Variants in TMEM68 observed in about 807,000 individuals in gnomAD.
TMEM68 encodes the protein transmembrane protein 68.
TMEM68 carries 25 observed loss-of-function variants against 36.9 expected under a neutral mutation model. That is an observed-to-expected ratio of 0.68 (90% confidence interval 0.49 to 0.95). The LOEUF (loss-of-function observed/expected upper bound fraction) is 0.95. TMEM68 is among the 40% of genes least tolerant of loss of function. TMEM68 has a pLI of 0.00. For synonymous variants in TMEM68, 131 were observed against 124.4 expected (o/e 1.05, Z -0.35); for missense variants, 333 against 392.0 (o/e 0.85, Z 1.27).
chr8:55,751,840 G>A (rs28610182), intron 4 of TMEM68, among the ~76,000 whole-genome samples: 24,478 of 152,122 alleles, frequency 0.16, 2,394 homozygotes, highest in East Asian at 0.3. Context: ...TCCCATACTG[G>A]AACTTCTGAG....
chr8:55,757,243 G>A (rs1392127468), intron 3 of TMEM68, among the ~76,000 whole-genome samples: 2 of 152,084 alleles, frequency 1.3e-5, no homozygotes, highest in East Asian at 1.9e-4. Flanking sequence ...GCAACCAGGC[G>A]AACTGAACTT....
chr8:55,766,922 T>C (rs769461498), intron 1 of TMEM68, among the ~76,000 whole-genome samples: 17 of 152,198 alleles, frequency 1.1e-4, no homozygotes, highest in African/African-American at 3.6e-4. Flanking sequence ...TGCTAATAAA[T>C]TGACGTAGAA....
intron 7 of TMEM68, among the ~76,000 whole-genome samples, chr8:55,743,022 G>A (rs573760503): frequency 4.9e-4 from 75 of 152,022 alleles, no homozygotes; most frequent in Middle Eastern, 3.4e-3. Context: ...GCACTTCTTC[G>A]TTGGCCTTCT....
intron 1 of TMEM68, among the ~76,000 whole-genome samples, chr8:55,764,749 T>C (rs1268762081): frequency 1.3e-5 from 2 of 152,132 alleles, no homozygotes; most frequent in Non-Finnish European, 2.9e-5. Flanking sequence ...GGGCTTTATT[T>C]ACATCATCAT....
At chr8:55,766,373 C>CTTTTTT (rs768070569) in intron 1 of TMEM68, among the ~76,000 whole-genome samples, 6 of 113,062 alleles carry the variant, frequency 5.3e-5, no homozygotes, top group Non-Finnish European at 9.1e-5. Flanking sequence ...TCTATGCACG[C>CTTTTTT]TTTTTTTTTT....
chr8:55,755,160 T>C (rs1810564443), intron 4 of TMEM68, among the ~76,000 whole-genome samples: 1 of 151,370 alleles, frequency 6.6e-6, no homozygotes, highest in Non-Finnish European at 1.5e-5. Context: ...ATAAATAATG[T>C]AGTACTCAAT....
intron 6 of TMEM68, among the ~76,000 whole-genome samples, chr8:55,744,387 G>C (rs1409668711): frequency 5.8e-5 from 2 of 34,422 alleles, no homozygotes; most frequent in Non-Finnish European, 1.2e-4. Flanking sequence ...CTCACTGCAA[G>C]CTCCTCCTCC....
chr8:55,758,433 A>G (rs57790025), intron 3 of TMEM68, among the ~76,000 whole-genome samples: 9,507 of 151,564 alleles, frequency 0.063, 355 homozygotes, highest in African/African-American at 0.1. Context: ...AAATAGCAAG[A>G]AAAAAACCCA....
At position 55,739,618 on chromosome 8, in the gene TMEM68, TATC is replaced by T. The variant is rs1810036306; in HGVS notation, c.*511_*513del. 1.3e-5 allele frequency: 2 copies of T among 152,768 alleles called. No homozygotes were observed. Among genetic ancestry groups the T allele is most frequent in the Admixed American group, 6.5e-5 (1 of 15,296 alleles). 9.5% of individuals were successfully genotyped at this position (152,768 alleles called of 1,614,324 possible). A position where few individuals can be genotyped will look rare whatever the true frequency, so the allele number is the denominator to read the frequency against. The stretch of plus-strand genomic sequence containing the variant: ...ACAGTAAATATAAATAACAAAATAA[TATC>T]ATTCATCATACGATCATGTTTTTAA... On this transcript the variant is annotated 3_prime_UTR_variant, in exon 8 of 8. Transcript: ENST00000434581.
In TMEM68 at chr8:55,756,273, A is replaced by C. The variant is rs1281878201; in HGVS notation, c.464T>G (p.Val155Gly). 6.2e-7 allele frequency: 1 copy of C among 1,603,278 alleles called. No homozygotes were observed. Among genetic ancestry groups the C allele is most frequent in the Non-Finnish European group, 8.5e-7 (1 of 1,177,474 alleles). ...AATTTTAAAGACAAAGTGATCAGCT[A>C]CTACTCGGCAAGTTCTGCCTTTGTG... Reference protein sequence around the residue: ...FIHKGRTCRVVADHFVFKIPG... With the variant: ...FIHKGRTCRVGADHFVFKIPG... Residue 155 changes from valine to glycine, a missense_variant, in exon 4 of 8, where the codon GTA (valine) becomes GGA (glycine). Coordinates refer to ENST00000434581, the MANE Select transcript of TMEM68 (RefSeq NM_001286657.2).
Position 55,739,800 on chromosome 8 carries a change from C to T in TMEM68, c.*332G>A, listed in dbSNP as rs577888565. The T allele has an allele frequency of 4.4e-6, 1 of 228,442 alleles. No individual in the cohort carries two copies. Among genetic ancestry groups the T allele is most frequent in the African/African-American group, 2.3e-5 (1 of 42,734 alleles). 14.2% of individuals were successfully genotyped at this position (228,442 alleles called of 1,614,324 possible). ...CAAAATCAGCTCAGGGCGACAGATA[C>T]AGAAATTTAACGCATTATCCAGGAA... is the stretch of plus-strand genomic sequence containing the variant. On this transcript the variant is annotated 3_prime_UTR_variant, in exon 8 of 8. Transcript: ENST00000434581.
At chr8:55,754,881 T>G (rs1810550826) in intron 4 of TMEM68, among the ~76,000 whole-genome samples, 1 of 135,540 alleles carries the variant, frequency 7.4e-6, no homozygotes, top group African/African-American at 2.8e-5. Flanking sequence ...TAGTATATAT[T>G]TATATTATAT....
At chr8:55,769,318 A>G (rs1811078077) in intron 1 of TMEM68, among the ~76,000 whole-genome samples, 2 of 141,342 alleles carry the variant, frequency 1.4e-5, no homozygotes, top group Non-Finnish European at 3.0e-5. Context: ...TGAGAATCCC[A>G]TCTCAAAAAA....
chr8:55,747,368 A>G (rs974950177), intron 5 of TMEM68: 2 of 152,240 alleles, frequency 1.3e-5, no homozygotes, highest in African/African-American at 4.8e-5. Context: ...TCTCAAAAAA[A>G]TTAAAAGTAA....
chr8:55,755,086 G>A (rs10808899), intron 4 of TMEM68, among the ~76,000 whole-genome samples: 1 of 149,050 alleles, frequency 6.7e-6, no homozygotes, highest in Admixed American at 6.8e-5. Context: ...ATCACTTGAG[G>A]CCAGGAATTT....
chr8:55,756,143 G>T, intron 4 of TMEM68, 101 bp downstream of exon 4: 1 of 1,021,834 alleles, frequency 9.8e-7, no homozygotes, highest in Non-Finnish European at 1.4e-6. Context: ...AAGGCAAAAA[G>T]CTTTTTCAAA....
intron 1 of TMEM68, among the ~76,000 whole-genome samples, chr8:55,765,551 T>G (rs1405597167): frequency 6.6e-6 from 1 of 152,238 alleles, no homozygotes; most frequent in East Asian, 1.9e-4. Flanking sequence ...CAGTGTTACA[T>G]GTTTGCTATC....
At chr8:55,751,850 G>A (rs1368396052) in intron 4 of TMEM68, among the ~76,000 whole-genome samples, 2 of 152,148 alleles carry the variant, frequency 1.3e-5, no homozygotes, top group African/African-American at 4.8e-5. Context: ...GAACTTCTGA[G>A]GACTGATGTT....
At chr8:55,742,154 C>T (rs899481912) in intron 7 of TMEM68, among the ~76,000 whole-genome samples, 3 of 152,092 alleles carry the variant, frequency 2.0e-5, no homozygotes, top group Non-Finnish European at 4.4e-5. Flanking sequence ...GACAAAAAGA[C>T]AAATACCGTA....
Sources: allele counts gnomAD v4.1 joint callset (sites outside exome capture counted in the v4.1 genomes callset), GRCh38; gene constraint gnomAD v4.1.1; transcripts MANE v1.5; gene names NCBI Gene and HGNC (gene_info 2026-07-23, HGNC 2026-07-21).